MDGA2: variants seen among roughly 807,000 people sequenced by gnomAD.
MDGA2 encodes the protein MAM domain containing glycosylphosphatidylinositol anchor 2, also known as MAM domain-containing glycosylphosphatidylinositol anchor protein 2.
A neutral mutation model predicts 117.8 loss-of-function variants in MDGA2; 40 were observed. The ratio of observed to expected loss-of-function variants is 0.34; its 90% CI spans 0.26 to 0.44. The LOEUF is 0.44. MDGA2 is among the 20% of genes least tolerant of loss of function. The probability of loss-of-function intolerance (pLI) is 1.00; values close to 1 mark genes in which losing one functional copy is unlikely to be tolerated. For synonymous variants in MDGA2, 452 were observed against 439.0 expected (o/e 1.03, Z -0.37); for missense variants, 1,123 against 1,250.6 (o/e 0.90, Z 1.54).
At chr14:47,303,762 G>A (rs201760082) in intron 1 of MDGA2, among the ~76,000 whole-genome samples, 1 of 454 alleles carries the variant, frequency 2.2e-3, no homozygotes, top group Non-Finnish European at 6.1e-3. Flanking sequence ...GATAGCCCAC[G>A]TTTATTAATA....
intron 2 of MDGA2, among the ~76,000 whole-genome samples, chr14:47,253,399 A>G (rs533957850): frequency 2.3e-4 from 35 of 152,338 alleles, no homozygotes; most frequent in Admixed American, 3.3e-4. Context: ...GGGTAAATAC[A>G]CCAGTTCCAA....
intron 5 of MDGA2, among the ~76,000 whole-genome samples, chr14:47,130,269 A>G (rs948935059): frequency 1.3e-5 from 2 of 152,062 alleles, no homozygotes; most frequent in Non-Finnish European, 2.9e-5. Flanking sequence ...TGATTTTTGT[A>G]TAAGGTGTAA....
At chr14:47,593,163 A>C (rs956270616) in intron 1 of MDGA2, among the ~76,000 whole-genome samples, 13 of 152,220 alleles carry the variant, frequency 8.5e-5, no homozygotes, top group African/African-American at 3.1e-4. Flanking sequence ...GAGAAATGCA[A>C]ATCAGAACCT....
At chr14:47,356,432 C>T (rs1302026980) in intron 1 of MDGA2, among the ~76,000 whole-genome samples, 2 of 152,158 alleles carry the variant, frequency 1.3e-5, no homozygotes, top group Non-Finnish European at 2.9e-5. Flanking sequence ...GGCCAGTGGT[C>T]TCTGGGAGGC....
At chr14:47,452,020 G>A (rs1409282802) in intron 1 of MDGA2, among the ~76,000 whole-genome samples, 2 of 152,052 alleles carry the variant, frequency 1.3e-5, no homozygotes. Context: ...TGCTCAATAT[G>A]GTGCACATTT....
intron 15 of MDGA2, among the ~76,000 whole-genome samples, chr14:46,854,690 A>T (rs2138299420): frequency 6.6e-6 from 1 of 152,022 alleles, no homozygotes; most frequent in African/African-American, 2.4e-5. Context: ...ACCAAGTTCC[A>T]TTATTATAGA....
intron 1 of MDGA2, among the ~76,000 whole-genome samples, chr14:47,522,421 G>A (rs1408600998): frequency 2.0e-5 from 3 of 151,710 alleles, no homozygotes; most frequent in Non-Finnish European, 4.4e-5. Context: ...TGTTCAGTTG[G>A]AAGTGTTCTC....
At chr14:46,988,714 G>C (rs1886960851) in intron 8 of MDGA2, among the ~76,000 whole-genome samples, 1 of 152,064 alleles carries the variant, frequency 6.6e-6, no homozygotes, top group South Asian at 2.1e-4. Flanking sequence ...AGGAATCTTA[G>C]GGAGATGTCA....
Position 47,556,880 on chromosome 14 carries a change from C to T in MDGA2, c.280+117637G>A, listed in dbSNP as rs745748014. Among the ~76,000 whole-genome samples, 72 of 152,238 alleles carry T rather than the reference C, an allele frequency of 4.7e-4. 1 individual carries two copies. The highest frequency in any genetic ancestry group is 4.1e-4 in the Non-Finnish European group (28 of 68,006). Reference sequence around the variant, plus strand: ...GGTGTTTGATTATTTGCTAAAATTTCTGCATTAAAAAATTTAATGCACACA... The same window carrying T: ...GGTGTTTGATTATTTGCTAAAATTTTTGCATTAAAAAATTTAATGCACACA... On this transcript the variant is annotated intron_variant, in intron 1 of 16. Coordinates refer to ENST00000399232, the MANE Select transcript of MDGA2 (RefSeq NM_001113498.3).
chr14:46,915,898 G>A (rs906526732), intron 10 of MDGA2, among the ~76,000 whole-genome samples: 3 of 152,176 alleles, frequency 2.0e-5, no homozygotes, highest in African/African-American at 4.8e-5. Flanking sequence ...TTAAGGAGGA[G>A]CTCACAGGAT....
intron 6 of MDGA2, among the ~76,000 whole-genome samples, chr14:47,075,668 A>G (rs1319107714): frequency 6.6e-6 from 1 of 152,204 alleles, no homozygotes; most frequent in Non-Finnish European, 1.5e-5. Context: ...GGACTCATAA[A>G]ACATTTATAC....
intron 1 of MDGA2, among the ~76,000 whole-genome samples, chr14:47,375,935 T>G (rs994201543): frequency 2.0e-5 from 3 of 152,168 alleles, no homozygotes; most frequent in African/African-American, 7.2e-5. Flanking sequence ...GTGGAAAACT[T>G]GATTTGCTCT....
chr14:47,280,166 T>C (rs1311998649), intron 2 of MDGA2, among the ~76,000 whole-genome samples: 1 of 151,478 alleles, frequency 6.6e-6, no homozygotes, highest in East Asian at 1.9e-4. Context: ...AATACAAAAT[T>C]ATCTGGGCGT....
At chr14:46,967,769 C>G (rs191896719) in intron 8 of MDGA2, among the ~76,000 whole-genome samples, 1 of 152,120 alleles carries the variant, frequency 6.6e-6, no homozygotes, top group East Asian at 1.9e-4. Flanking sequence ...TTTTCTTATA[C>G]ATGCATACAT....
At chr14:47,033,901 T>C (rs1393196582) in intron 8 of MDGA2, among the ~76,000 whole-genome samples, 1 of 152,200 alleles carries the variant, frequency 6.6e-6, no homozygotes, top group East Asian at 1.9e-4. Context: ...CTCTCAAATA[T>C]GAAATAGTTC....
At chr14:47,050,034 T>G (rs1460169800) in intron 7 of MDGA2, among the ~76,000 whole-genome samples, 1 of 152,016 alleles carries the variant, frequency 6.6e-6, no homozygotes, top group East Asian at 1.9e-4. Context: ...ACAATGTGAT[T>G]TGAGGTTTCT....
chr14:47,071,259 T>C (rs1197318336), intron 6 of MDGA2, among the ~76,000 whole-genome samples: 1 of 152,172 alleles, frequency 6.6e-6, no homozygotes, highest in East Asian at 1.9e-4. Context: ...AATCCCTTTA[T>C]AAAGCTATCT....
At chr14:47,492,809 G>A (rs932490799) in intron 1 of MDGA2, among the ~76,000 whole-genome samples, 10 of 151,950 alleles carry the variant, frequency 6.6e-5, no homozygotes, top group African/African-American at 2.4e-4. Flanking sequence ...AATTATATGA[G>A]CAACAATAAA....
chr14:47,039,932 T>TA (rs1482268274), intron 7 of MDGA2, among the ~76,000 whole-genome samples: 1 of 151,476 alleles, frequency 6.6e-6, no homozygotes, highest in East Asian at 1.9e-4. Flanking sequence ...CACACACAAG[T>TA]AACTATGCAA....
Sources: gnomAD v4.1 joint callset for allele counts (sites outside exome capture counted in the v4.1 genomes callset) on GRCh38, gnomAD v4.1.1 for gene constraint, MANE v1.5 for transcripts, NCBI Gene and HGNC (gene_info 2026-07-23, HGNC 2026-07-21) for gene names.